The following CABLES2 variants were observed in gnomAD, a reference collection of about 807,000 sequenced individuals.
CABLES2 encodes the protein Cdk5 and Abl enzyme substrate 2.
Under a neutral mutation model 44.8 loss-of-function variants are expected in CABLES2, and 35 were observed. The ratio of observed to expected loss-of-function variants is 0.78; its 90% CI spans 0.60 to 1.04. CABLES2 has a LOEUF of 1.04. Among genes scored for constraint, CABLES2 ranks in the 50% least tolerant of loss-of-function variants. CABLES2 has a pLI of 0.00. For synonymous variants in CABLES2, 282 were observed against 281.1 expected (o/e 1.00, Z -0.03); for missense variants, 566 against 615.7 (o/e 0.92, Z 0.85).
rs1987899328 is a variant in CABLES2 at position 62,390,728 on chromosome 20, T to C, written c.*243A>G. 3.7e-6 allele frequency: 2 copies of C among 546,384 alleles called. No individual in the cohort carries two copies. The highest frequency in any genetic ancestry group is 3.0e-5 in the East Asian group (1 of 33,802). 33.8% of individuals were successfully genotyped at this position (546,384 alleles called of 1,614,324 possible). On this transcript the variant is annotated 3_prime_UTR_variant, in exon 10 of 10. Transcript: ENST00000279101. ...AGTAACAAACCTCACATTTAGTTTA[T>C]GTAAAAATGCAGGAGAATTCTCAGA... is the stretch of plus-strand genomic sequence containing the variant.
chr20:62,398,338 G>A (rs1241201904), intron 1 of CABLES2, among the ~76,000 whole-genome samples: 1 of 151,394 alleles, frequency 6.6e-6, no homozygotes, highest in Non-Finnish European at 1.5e-5. Context: ...TGACGATGGT[G>A]GTGATGGTGA....
rs773449422 is a variant in CABLES2, at chr20:62,394,138, C to T, written c.714+19G>A. On this transcript the variant is annotated intron_variant, in intron 5 of 9. Coordinates refer to ENST00000279101, the MANE Select transcript of CABLES2 (RefSeq NM_031215.3). ...TGGCCCTGACGGCGCTGGGTGTCCA[C>T]CAGCGAAGAGGCTCTTACCTTCCCG... 1.9e-6 allele frequency: 3 copies of T among 1,603,006 alleles called. No individual in the cohort carries two copies. The South Asian group carries it at 3.3e-5, about 18-fold the overall frequency.
chr20:62,406,272 T>G (rs968770590), intron 1 of CABLES2, among the ~76,000 whole-genome samples: 2 of 151,968 alleles, frequency 1.3e-5, no homozygotes, highest in Non-Finnish European at 2.9e-5. Flanking sequence ...GCCCACATGC[T>G]GGGTCTGAGG....
chr20:62,394,013 G>A (rs544359247), intron 5 of CABLES2, 144 bp downstream of exon 5: 81 of 694,160 alleles, frequency 1.2e-4, no homozygotes, highest in Non-Finnish European at 1.6e-4. Flanking sequence ...AGGGCTGCAC[G>A]GGCCCGCATC....
intron 1 of CABLES2, among the ~76,000 whole-genome samples, chr20:62,399,760 G>A (rs2379122): frequency 0.93 from 141,889 of 151,954 alleles, 66,462 homozygotes; most frequent in African/African-American, 0.98. Flanking sequence ...TGCCTGGCTA[G>A]TTTTTGTATT....
At chr20:62,392,523 C>T (rs1987938526) in intron 7 of CABLES2, 28 bp from the exon 8 acceptor site, 1 of 1,557,608 alleles carries the variant, frequency 6.4e-7, no homozygotes. Flanking sequence ...CAGGGTTGGG[C>T]CGGCCCCTCG....
rs1218873514 is a variant in CABLES2, at chr20:62,396,371, G to C, written c.471C>G (p.Gly157=). Residue 157 remains glycine, a synonymous_variant, in exon 3 of 10, where the codon GGC becomes GGG. Transcript: ENST00000279101. The surrounding 1 kb of genome is among the most constrained non-coding windows in gnomAD (Gnocchi z 5.7). ...KHTSGSPRHK[G]LKKTHFIKNM... is the part of the protein sequence containing the mutation. ...TCTTGATGAAGTGGGTCTTCTTCAGGCCTTTATGTCTCGGTGATCCAGATG... is the reference window on the plus strand; with the variant it reads ...TCTTGATGAAGTGGGTCTTCTTCAGCCCTTTATGTCTCGGTGATCCAGATG... 6.2e-7 allele frequency: 1 copy of C among 1,613,880 alleles called. No homozygotes were observed. Among genetic ancestry groups the C allele is most frequent in the African/African-American group, 1.3e-5 (1 of 74,882 alleles).
chr20:62,390,899 C>G lies in CABLES2; in HGVS notation c.*72G>C. 2 of 1,580,812 alleles carry G rather than the reference C, an allele frequency of 1.3e-6. No individual in the cohort carries two copies. The highest frequency in any genetic ancestry group is 1.1e-5 in the South Asian group (1 of 90,102). ...CTGGGGGTGCTGGCAGGAGGAGGCGCGGGGCTTCAGTGGGACACCTCCCAG... is the reference window on the plus strand; with the variant it reads ...CTGGGGGTGCTGGCAGGAGGAGGCGGGGGGCTTCAGTGGGACACCTCCCAG... On this transcript the variant is annotated 3_prime_UTR_variant, in exon 10 of 10. Coordinates refer to ENST00000279101, the MANE Select transcript of CABLES2 (RefSeq NM_031215.3).
intron 1 of CABLES2, among the ~76,000 whole-genome samples, chr20:62,397,915 CAGT>C (rs1988050538): frequency 7.2e-5 from 4 of 55,468 alleles, no homozygotes; most frequent in Middle Eastern, 8.9e-3. Context: ...ATGGTGATGG[CAGT>C]GGTGATGGTG....
At position 62,393,595 on chromosome 20, in the gene CABLES2, T is replaced by A; in HGVS notation, c.725A>T (p.Tyr242Phe). ...GTTGGTGGGATACAGGAACTTCGCA[T>A]AAGACACGACCTGGAAAAGCAAATG... Reference protein sequence around the residue: ...ELGADGKVVSYAKFLYPTNAL... With the variant: ...ELGADGKVVSFAKFLYPTNAL... Residue 242 changes from tyrosine (Y) to phenylalanine (F), a missense_variant, in exon 6 of 10, where the codon TAT (tyrosine) becomes TTT (phenylalanine). Physicochemically the swap from Tyr to Phe is conservative, Grantham distance 22 (BLOSUM62 3). Transcript: ENST00000279101. The A allele has an allele frequency of 6.3e-7, 1 of 1,591,436 alleles. No homozygotes were observed. The highest frequency in any genetic ancestry group is 8.6e-7 in the Non-Finnish European group (1 of 1,166,868).
At chr20:62,397,941 G>GCGGTGGTGGTGGTGGTGGTGA (rs1316852257) in intron 1 of CABLES2, among the ~76,000 whole-genome samples, 1 of 136,008 alleles carries the variant, frequency 7.4e-6, no homozygotes, top group Non-Finnish European at 1.6e-5. Flanking sequence ...GGTGGTGATG[G>GCGGTGGTGGTGGTGGTGGTGA]TGGTGACGGT....
At position 62,396,467 on chromosome 20, in the gene CABLES2, G is replaced by A. The variant is rs1190576625; in HGVS notation, c.434+54C>T. On this transcript the variant is annotated intron_variant, in intron 2 of 9. Transcript: ENST00000279101. The surrounding 1 kb of genome is among the most constrained non-coding windows in gnomAD (Gnocchi z 5.7). ...CCCAGGACCCTCTGGCCCCGCAGGG[G>A]TCAGTGGCAGCCCGAGCGGAGTCGT... 1.2e-6 allele frequency: 2 copies of A among 1,613,136 alleles called. No individual in the cohort carries two copies. The highest frequency in any genetic ancestry group is 8.5e-7 in the Non-Finnish European group (1 of 1,179,228).
At position 62,396,427 on chromosome 20, in the gene CABLES2, G is replaced by A. The variant is rs778353724; in HGVS notation, c.435-20C>T. 6.2e-7 allele frequency: 1 copy of A among 1,613,476 alleles called. No homozygotes were observed. Among genetic ancestry groups the A allele is most frequent in the South Asian group, 1.1e-5 (1 of 91,056 alleles). Reference sequence around the variant, plus strand: ...TTGGTTCTGCAAGGCAAAGGACACAGGTCACTCTTTTCCTCCCAGGACCCT... The same window carrying A: ...TTGGTTCTGCAAGGCAAAGGACACAAGTCACTCTTTTCCTCCCAGGACCCT... On this transcript the variant is annotated intron_variant, in intron 2 of 9. Transcript: ENST00000279101. This position sits in a 1 kb window ranked among gnomAD's most constrained non-coding sequence, Gnocchi z 5.7.
At chr20:62,398,187 ATGGTGATGATGGTGG>A (rs1988106725) in intron 1 of CABLES2, among the ~76,000 whole-genome samples, 19 of 92,766 alleles carry the variant, frequency 2.0e-4, no homozygotes, top group African/African-American at 3.0e-4. Flanking sequence ...GGTGGTGGTG[ATGGTGATGATGGTGG>A]TGATGGTGAT....
At chr20:62,393,333 A>G in intron 6 of CABLES2, 107 bp downstream of exon 6, 1 of 1,189,232 alleles carries the variant, frequency 8.4e-7, no homozygotes, top group Non-Finnish European at 1.2e-6. Context: ...ATCTGCACGG[A>G]GGGCTACAGA....
chr20:62,398,181 G>GTGGTGACGGTGGTGATGATGGTGA (rs1569017802), intron 1 of CABLES2, among the ~76,000 whole-genome samples: 795 of 56,000 alleles, frequency 0.014, 21 homozygotes, highest in South Asian at 0.027. Context: ...AATGGTGGTG[G>GTGGTGACGGTGGTGATGATGGTGA]TGGTGATGGT....
rs776055207 is a variant in CABLES2, at chr20:62,394,939, G to A, written c.603C>T (p.Ile201=). The A allele has an allele frequency of 1.2e-6, 2 of 1,612,578 alleles. No homozygotes were observed. The highest frequency in any genetic ancestry group is 3.3e-5 in the Admixed American group (2 of 59,976). ...CGAGGCAAGCGCTGAGTACTCACCT[G>A]ATCCGCAGGCCTTCCCCATAGGGCA... is the stretch of plus-strand genomic sequence containing the variant. ...SVLPYGEGLR[I]SDLRVDSQKQ... is the part of the protein sequence containing the mutation. The change falls in exon 4 of 10, where the codon ATC becomes ATT. Residue 201 remains isoleucine (I), a splice_region_variant and synonymous_variant. Coordinates refer to ENST00000279101, the MANE Select transcript of CABLES2 (RefSeq NM_031215.3).
In CABLES2 at chr20:62,394,937, C is replaced by G; in HGVS notation, c.605G>C (p.Ser202Thr). 1 of 1,612,600 alleles carries G rather than the reference C, an allele frequency of 6.2e-7. No individual in the cohort carries two copies. Among genetic ancestry groups the G allele is most frequent in the Non-Finnish European group, 8.5e-7 (1 of 1,179,786 alleles). ...TGCGAGGCAAGCGCTGAGTACTCAC[C>G]TGATCCGCAGGCCTTCCCCATAGGG... ...VLPYGEGLRISDLRVDSQKQR... is the reference protein window; with the variant it reads ...VLPYGEGLRITDLRVDSQKQR... The change falls in exon 4 of 10, where the codon AGT becomes ACT. Residue 202 changes from serine to threonine, a missense_variant and splice_region_variant. By Grantham distance (58) the Ser-to-Thr change is moderately conservative (BLOSUM62 1). Around this residue, in one of 2 missense-constraint regions of CABLES2, gnomAD observed 436 missense variants for 536.3 expected, o/e 0.81. Transcript: ENST00000279101.
chr20:62,397,983 G>GTGATGA (rs1569017271), intron 1 of CABLES2, among the ~76,000 whole-genome samples: 1 of 68,668 alleles, frequency 1.5e-5, no homozygotes, highest in Non-Finnish European at 3.1e-5. Context: ...AGTGGTGATG[G>GTGATGA]CGGTGGTGGT....
Sources: allele counts gnomAD v4.1 joint callset (sites outside exome capture counted in the v4.1 genomes callset), GRCh38; gene constraint gnomAD v4.1.1; regional missense constraint gnomAD v4.1.1; non-coding constraint Gnocchi (gnomAD v3.1); transcripts MANE v1.5; gene names NCBI Gene and HGNC (gene_info 2026-07-23, HGNC 2026-07-21).